The following TMBIM4 variants were observed in gnomAD, a reference collection of about 807,000 sequenced individuals.
TMBIM4 encodes protein lifeguard 4.
In TMBIM4, 28 loss-of-function variants were observed where a neutral mutation model predicts 27.7. That is an observed-to-expected ratio of 1.01 (90% confidence interval 0.75 to 1.38). TMBIM4 has a LOEUF of 1.38. Among genes scored for constraint, TMBIM4 ranks in the 40% most tolerant of loss-of-function variants. The probability of loss-of-function intolerance (pLI) is 0.00; values close to 1 mark genes in which losing one functional copy is unlikely to be tolerated. For missense variants in TMBIM4, 265 were observed against 277.5 expected (o/e 0.95, Z 0.32); for synonymous variants, 115 against 113.1 (o/e 1.02, Z -0.11).
intron 2 of TMBIM4, among the ~76,000 whole-genome samples, chr12:66,152,583 A>G (rs1481165545): frequency 6.6e-6 from 1 of 152,100 alleles, no homozygotes; most frequent in Non-Finnish European, 1.5e-5. Context: ...CAAAGAAAAG[A>G]GCCCAAAATG....
chr12:66,152,455 CTATTT>C (rs1262494645), intron 2 of TMBIM4, 79 bp from the exon 3 acceptor site: 1 of 934,284 alleles, frequency 1.1e-6, no homozygotes. Flanking sequence ...TAAAATTTAT[CTATTT>C]TATATGTTTA....
chr12:66,160,056 A>T, intron 1 of TMBIM4: 1 of 576,340 alleles, frequency 1.7e-6, no homozygotes, highest in Non-Finnish European at 3.1e-6. Flanking sequence ...TTTTATTGGG[A>T]CACAATCACA....
intron 1 of TMBIM4, among the ~76,000 whole-genome samples, chr12:66,165,789 T>C (rs751923872): frequency 2.0e-5 from 3 of 152,236 alleles, no homozygotes; most frequent in East Asian, 1.9e-4. Flanking sequence ...TTTTTTGTTA[T>C]TGAATGGTAG....
rs2052100639 is a variant in TMBIM4 at position 66,164,931 on chromosome 12, A to G, written c.97+4924T>C. Among the ~76,000 whole-genome samples the G allele has an allele frequency of 2.0e-5, 3 of 152,210 alleles. No individual in the cohort carries two copies. In the South Asian group the frequency reaches 6.2e-4, roughly 32 times the overall value. Reference sequence around the variant, plus strand: ...AAAATTAGTTACATTTTTATACACTAACAATGAGAAGGTTGGAAAGAAAGT... The same window carrying G: ...AAAATTAGTTACATTTTTATACACTGACAATGAGAAGGTTGGAAAGAAAGT... On this transcript the variant is annotated intron_variant, in intron 1 of 6. Coordinates refer to ENST00000358230, the MANE Select transcript of TMBIM4 (RefSeq NM_016056.4).
At chr12:66,147,528 G>T (rs901879537) in intron 4 of TMBIM4, among the ~76,000 whole-genome samples, 5 of 152,170 alleles carry the variant, frequency 3.3e-5, no homozygotes, top group African/African-American at 1.2e-4. Flanking sequence ...GTTCAGTTTG[G>T]CACAGGCCAG....
chr12:66,153,469 C>T (rs765850128), intron 1 of TMBIM4, 21 bp from the exon 2 acceptor site: 1 of 1,363,280 alleles, frequency 7.3e-7, no homozygotes, highest in Non-Finnish European at 1.0e-6. Flanking sequence ...AAAAAAATTA[C>T]ATTACTATTT....
chr12:66,169,861 G>A lies in TMBIM4; in HGVS notation c.91C>T (p.Arg31Ter). The A allele has an allele frequency of 1.3e-6, 2 of 1,512,440 alleles. No homozygotes were observed. The highest frequency in any genetic ancestry group is 1.8e-6 in the Non-Finnish European group (2 of 1,130,268). The allele number at this position is 1,512,440 out of a possible 1,614,324, so 93.7% of individuals were successfully genotyped here. Residue 31 changes from arginine to a stop codon, truncating the protein, a stop_gained, in exon 1 of 7, where the codon CGA becomes TGA. Transcript: ENST00000358230. LOFTEE classifies it high-confidence loss of function. ...SSVASATVHI[R>*]MAFLRKVYSI... The stretch of plus-strand genomic sequence containing the variant: ...TGGAGAGGGGACAACGTACCCATTC[G>A]GATGTGCACGGTGGCGGAGGCCACG...
At position 66,169,448 on chromosome 12, in the gene TMBIM4, T is replaced by C. The variant is rs941550958; in HGVS notation, c.97+407A>G. 2.0e-5 allele frequency: 10 copies of C among 512,600 alleles called. No homozygotes were observed. In the Admixed American group the frequency reaches 3.2e-4, roughly 16 times the overall value. The allele number at this position is 512,600 out of a possible 1,614,324, so 31.8% of individuals were successfully genotyped here. On this transcript the variant is annotated intron_variant, in intron 1 of 6. Coordinates refer to ENST00000358230, the MANE Select transcript of TMBIM4 (RefSeq NM_016056.4). ...CGCGAAACCCCACAGAACAAAAACA[T>C]CAGGCCGTGGATTCCACTCGTGTGT...
In TMBIM4 at chr12:66,137,946, T is replaced by C. The variant is rs2051603621; in HGVS notation, c.*14A>G. The C allele has an allele frequency of 6.2e-7, 1 of 1,609,722 alleles. No individual in the cohort carries two copies. Among genetic ancestry groups the C allele is most frequent in the Admixed American group, 1.7e-5 (1 of 59,810 alleles). On this transcript the variant is annotated 3_prime_UTR_variant, in exon 7 of 7. Transcript: ENST00000358230. ...TTTTTTTGTTGTTCTTCAGTTGAGC[T>C]GAGATACTTTTAATTACTTTTTATT...
intron 1 of TMBIM4, chr12:66,169,610 G>A (rs1401797983): frequency 1.3e-5 from 6 of 464,544 alleles, no homozygotes; most frequent in South Asian, 7.9e-5. Context: ...GCGCACACAG[G>A]ACAGCCGCAA....
chr12:66,160,651 AT>A (rs1203484438), intron 1 of TMBIM4, among the ~76,000 whole-genome samples: 1 of 152,264 alleles, frequency 6.6e-6, no homozygotes, highest in African/African-American at 2.4e-5. Flanking sequence ...TCATTCTCAC[AT>A]AATTTTTTTT....
At chr12:66,162,558 G>A (rs2052060398) in intron 1 of TMBIM4, among the ~76,000 whole-genome samples, 4 of 152,182 alleles carry the variant, frequency 2.6e-5, no homozygotes, top group African/African-American at 9.7e-5. Context: ...GGGGTGAATA[G>A]CCTGGTTTTA....
chr12:66,166,305 A>T (rs1413439284), intron 1 of TMBIM4, among the ~76,000 whole-genome samples: 2 of 151,954 alleles, frequency 1.3e-5, no homozygotes, highest in African/African-American at 4.8e-5. Flanking sequence ...CTCTTCTAAA[A>T]ATATAAAAAA....
At chr12:66,159,537 A>G (rs1487805263) in intron 1 of TMBIM4, among the ~76,000 whole-genome samples, 2 of 152,100 alleles carry the variant, frequency 1.3e-5, no homozygotes. Context: ...GACCCTCCCA[A>G]ATTCCTGACA....
chr12:66,153,531 T>C, intron 1 of TMBIM4, 83 bp from the exon 2 acceptor site: 1 of 785,748 alleles, frequency 1.3e-6, no homozygotes, highest in Non-Finnish European at 2.0e-6. Flanking sequence ...TTTAAAAAAT[T>C]GTTTTTTACA....
At chr12:66,149,313 T>C (rs1308186109) in intron 3 of TMBIM4, among the ~76,000 whole-genome samples, 1 of 151,554 alleles carries the variant, frequency 6.6e-6, no homozygotes, top group African/African-American at 2.4e-5. Context: ...GATGGTGACA[T>C]GCGCCTGTAG....
chr12:66,166,479 A>G (rs1003965779), intron 1 of TMBIM4, among the ~76,000 whole-genome samples: 46 of 126,240 alleles, frequency 3.6e-4, no homozygotes, highest in East Asian at 2.6e-3. Flanking sequence ...AAAAAAAAAA[A>G]AAAAAGAAAA....
intron 1 of TMBIM4, among the ~76,000 whole-genome samples, chr12:66,156,668 C>G (rs1035567965): frequency 2.0e-5 from 3 of 152,148 alleles, no homozygotes; most frequent in African/African-American, 7.2e-5. Context: ...TTTTATAGGA[C>G]CTACAAGGTC....
rs1000534722 is a variant in TMBIM4, at chr12:66,169,984, A to G, written c.-33T>C. 4 of 1,421,348 alleles carry G rather than the reference A, an allele frequency of 2.8e-6. No individual in the cohort carries two copies. The highest frequency in any genetic ancestry group is 3.0e-5 in the East Asian group (1 of 33,052). The allele number at this position is 1,421,348 out of a possible 1,614,324, so 88.0% of individuals were successfully genotyped here. Reference sequence around the variant, plus strand: ...ACAGCACCCCTACCGGTCCCGGTCCACTAACCGCAACCGCCTCCTCCCCAC... The same window carrying G: ...ACAGCACCCCTACCGGTCCCGGTCCGCTAACCGCAACCGCCTCCTCCCCAC... On this transcript the variant is annotated 5_prime_UTR_variant, in exon 1 of 7. Coordinates refer to ENST00000358230, the MANE Select transcript of TMBIM4 (RefSeq NM_016056.4).
Sources: gnomAD v4.1 joint callset for allele counts (sites outside exome capture counted in the v4.1 genomes callset) on GRCh38, gnomAD v4.1.1 for gene constraint, MANE v1.5 for transcripts, NCBI Gene and HGNC (gene_info 2026-07-23, HGNC 2026-07-21) for gene names.